The following CENPV variants were observed in gnomAD, a reference collection of about 807,000 sequenced individuals.
CENPV encodes the protein centromere protein V.
In CENPV, 15 loss-of-function variants were observed where a neutral mutation model predicts 26.4. That is an observed-to-expected ratio of 0.57 (90% CI 0.38 to 0.88). CENPV has a LOEUF of 0.88. Among genes scored for constraint, CENPV ranks in the 40% least tolerant of loss-of-function variants. The pLI is 0.00. For synonymous variants in CENPV, 172 were observed against 165.5 expected (o/e 1.04, Z -0.30); for missense variants, 336 against 376.5 (o/e 0.89, Z 0.89).
intron 4 of CENPV, among the ~76,000 whole-genome samples, chr17:16,343,276 A>T (rs2093190282): frequency 1.3e-5 from 2 of 152,238 alleles, no homozygotes; most frequent in Admixed American, 1.3e-4. Context: ...GCCCAGAGCA[A>T]TCTCTGACTG....
chr17:16,343,632 C>T (rs2093192215), intron 4 of CENPV, among the ~76,000 whole-genome samples: 2 of 152,290 alleles, frequency 1.3e-5, no homozygotes, highest in Admixed American at 1.3e-4. Flanking sequence ...CCCATTTGCA[C>T]AGGATTTCAT....
At position 16,353,452 on chromosome 17, in the gene CENPV, G is replaced by A. The variant is rs1264124702; in HGVS notation, c.-16C>T. On this transcript the variant is annotated 5_prime_UTR_variant, in exon 1 of 5. Coordinates refer to ENST00000299736, the MANE Select transcript of CENPV (RefSeq NM_181716.3). ...ATCGCCGCATGGCTCCCGCAGCCTG[G>A]CGCGCAGGCCTCGCAGCGCGGCGCG... 9.0e-7 allele frequency: 1 copy of A among 1,113,142 alleles called. No individual in the cohort carries two copies. Among genetic ancestry groups the A allele is most frequent in the Non-Finnish European group, 1.1e-6 (1 of 913,998 alleles). 69.0% of individuals were successfully genotyped at this position (1,113,142 alleles called of 1,614,324 possible).
rs2093197698 is a variant in CENPV at position 16,344,699 on chromosome 17, T to C, written c.592A>G (p.Ile198Val). 2 of 1,585,756 alleles carry C rather than the reference T, an allele frequency of 1.3e-6. No homozygotes were observed. The highest frequency in any genetic ancestry group is 1.2e-5 in the South Asian group (1 of 86,320). ...TGAGTATTGAACGTGTAAGTCGTTA[T>C]GTGCTCAGCTCCCTAGGTGAAAACA... ...RFKLLKGAEH[I>V]TTYTFNTHKA... The change falls in exon 4 of 5, where the codon ATA (isoleucine) becomes GTA (valine). Residue 198 changes from isoleucine (I) to valine (V), a missense_variant. Around this residue, in one of 2 missense-constraint regions of CENPV, gnomAD observed 155 missense variants for 227.8 expected, o/e 0.68. Coordinates refer to ENST00000299736, the MANE Select transcript of CENPV (RefSeq NM_181716.3).
At position 16,353,450 on chromosome 17, in the gene CENPV, T is replaced by TGGCGCGCAGGCCTCGCAGCGC. The variant is rs1368203225; in HGVS notation, c.-15_-14insGCGCTGCGAGGCCTGCGCGCC. 2 of 1,116,636 alleles carry TGGCGCGCAGGCCTCGCAGCGC rather than the reference T, an allele frequency of 1.8e-6. No individual in the cohort carries two copies. Among genetic ancestry groups the TGGCGCGCAGGCCTCGCAGCGC allele is most frequent in the Non-Finnish European group, 2.2e-6 (2 of 916,396 alleles). The allele number at this position is 1,116,636 out of a possible 1,614,324, so 69.2% of individuals were successfully genotyped here. A position where few individuals can be genotyped will look rare whatever the true frequency, so the allele number is the denominator to read the frequency against. The stretch of plus-strand genomic sequence containing the variant: ...CGATCGCCGCATGGCTCCCGCAGCC[T>TGGCGCGCAGGCCTCGCAGCGC]GGCGCGCAGGCCTCGCAGCGCGGCG... On this transcript the variant is annotated 5_prime_UTR_variant, in exon 1 of 5. Coordinates refer to ENST00000299736, the MANE Select transcript of CENPV (RefSeq NM_181716.3).
chr17:16,348,799 C>T, intron 2 of CENPV, 114 bp from the exon 3 acceptor site: 6 of 1,519,940 alleles, frequency 3.9e-6, no homozygotes, highest in Non-Finnish European at 4.4e-6. Context: ...CTTTCAGCAC[C>T]ATCCAGGGCC....
intron 3 of CENPV, among the ~76,000 whole-genome samples, chr17:16,346,467 T>C (rs1019324092): frequency 2.6e-5 from 4 of 152,160 alleles, no homozygotes; most frequent in Admixed American, 6.5e-5. Flanking sequence ...AAGCAAGGTA[T>C]AGGCCAGGCG....
chr17:16,344,694 C>A lies in CENPV; in HGVS notation c.597G>T (p.Thr199=). The stretch of plus-strand genomic sequence containing the variant: ...CTTTGTGAGTATTGAACGTGTAAGT[C>A]GTTATGTGCTCAGCTCCCTAGGTGA... ...FKLLKGAEHI[T]TYTFNTHKAQ... Residue 199 remains threonine, a synonymous_variant, in exon 4 of 5, where the codon ACG becomes ACT. Transcript: ENST00000299736. 6.3e-7 allele frequency: 1 copy of A among 1,590,564 alleles called. No homozygotes were observed. The highest frequency in any genetic ancestry group is 1.4e-5 in the African/African-American group (1 of 73,406).
chr17:16,350,723 G>T (rs11653585), intron 1 of CENPV: 7 of 151,818 alleles, frequency 4.6e-5, no homozygotes, highest in Admixed American at 4.6e-4. Context: ...TACCCTTACC[G>T]ACCTTAACAA....
At position 16,349,329 on chromosome 17, in the gene CENPV, G is replaced by A. The variant is rs532844050; in HGVS notation, c.509+602C>T. On this transcript the variant is annotated intron_variant, in intron 2 of 4. Transcript: ENST00000299736. ...GTGCTTATTATTCATATATAATTCC[G>A]GTACCTAGGGGCAAAAAGGACTGGA... 5 of 985,570 alleles carry A rather than the reference G, an allele frequency of 5.1e-6. No individual in the cohort carries two copies. In the African/African-American group the frequency reaches 8.7e-5, roughly 17 times the overall value. 61.1% of individuals were successfully genotyped at this position (985,570 alleles called of 1,614,324 possible).
Position 16,353,162 on chromosome 17 carries a change from G to T in CENPV, c.275C>A (p.Pro92Gln). ...ELALLPPPPP[P>Q]PPTPATPTSS... ...CGTCGGGGTCGCGGGAGTCGGCGGC[G>T]GCGGCGGCGGTGGCGGGAGCAACGC... Residue 92 changes from proline to glutamine, a missense_variant, in exon 1 of 5, where the codon CCG (proline) becomes CAG (glutamine). Pro to Gln is a moderately conservative substitution (Grantham distance 76). Around this residue, in one of 2 missense-constraint regions of CENPV, gnomAD observed 181 missense variants for 148.8 expected, o/e 1.22. Coordinates refer to ENST00000299736, the MANE Select transcript of CENPV (RefSeq NM_181716.3). 6.9e-7 allele frequency: 1 copy of T among 1,451,638 alleles called. No homozygotes were observed. Among genetic ancestry groups the T allele is most frequent in the East Asian group, 2.8e-5 (1 of 35,624 alleles). 89.9% of individuals were successfully genotyped at this position (1,451,638 alleles called of 1,614,324 possible).
intron 1 of CENPV, among the ~76,000 whole-genome samples, chr17:16,350,406 C>T (rs1363133080): frequency 1.3e-5 from 2 of 150,776 alleles, no homozygotes; most frequent in Non-Finnish European, 2.9e-5. Flanking sequence ...TACGGTGGCA[C>T]GATCTTGGCT....
chr17:16,348,408 T>C, intron 3 of CENPV: 31 of 1,240,938 alleles, frequency 2.5e-5, no homozygotes, highest in Non-Finnish European at 3.2e-5. Context: ...CCATCCATCT[T>C]GGCCTCCCAA....
At chr17:16,352,910 C>T in intron 1 of CENPV, 117 bp downstream of exon 1, 1 of 1,332,548 alleles carries the variant, frequency 7.5e-7, no homozygotes, top group Non-Finnish European at 9.6e-7. Context: ...GGCTCCGTAA[C>T]GTGGAAGGCT....
chr17:16,346,687 G>A (rs531813989), intron 3 of CENPV, among the ~76,000 whole-genome samples: 2 of 151,184 alleles, frequency 1.3e-5, no homozygotes, highest in Admixed American at 1.3e-4. Context: ...GGAGGCGGAG[G>A]TTACAGTGAG....
chr17:16,347,047 C>T (rs1179088437), intron 3 of CENPV, among the ~76,000 whole-genome samples: 1 of 151,914 alleles, frequency 6.6e-6, no homozygotes, highest in Non-Finnish European at 1.5e-5. Context: ...ATGGGGGTCT[C>T]GCTATGTTGT....
At chr17:16,344,233 C>G (rs1040961195) in intron 4 of CENPV, 9 of 162,058 alleles carry the variant, frequency 5.6e-5, no homozygotes, top group Admixed American at 3.9e-4. Flanking sequence ...TCCCTTAACC[C>G]CTGTCATTAT....
chr17:16,349,730 T>C lies in CENPV; in HGVS notation c.509+201A>G, dbSNP rs1232649815. On this transcript the variant is annotated intron_variant, in intron 2 of 4. Transcript: ENST00000299736. Reference sequence around the variant, plus strand: ...ACCCTGCTCTGTGTCACCTGGGCCATGCTGTTGAAGCTCTGTGATGAGCCA... The same window carrying C: ...ACCCTGCTCTGTGTCACCTGGGCCACGCTGTTGAAGCTCTGTGATGAGCCA... The C allele has an allele frequency of 6.6e-6, 9 of 1,357,986 alleles. No homozygotes were observed. The East Asian group carries it at 1.5e-4, about 22-fold the overall frequency. 84.1% of individuals were successfully genotyped at this position (1,357,986 alleles called of 1,614,324 possible). A position where few individuals can be genotyped will look rare whatever the true frequency, so the allele number is the denominator to read the frequency against.
chr17:16,350,344 ATT>A (rs755226283), intron 1 of CENPV, among the ~76,000 whole-genome samples: 15 of 143,142 alleles, frequency 1.0e-4, no homozygotes, highest in Admixed American at 2.1e-4. Context: ...CAAATACTAA[ATT>A]TTTTTTTTTT....
intron 1 of CENPV, among the ~76,000 whole-genome samples, 175 bp from the exon 2 acceptor site, chr17:16,350,204 C>T (rs1467728859): frequency 1.3e-5 from 2 of 152,194 alleles, no homozygotes; most frequent in Non-Finnish European, 1.5e-5. Flanking sequence ...ATGGTTTCAG[C>T]ACCTTCTTTG....
Sources: gnomAD v4.1 joint callset for allele counts (sites outside exome capture counted in the v4.1 genomes callset) on GRCh38, gnomAD v4.1.1 for gene constraint, gnomAD v4.1.1 regional missense constraint, MANE v1.5 for transcripts, NCBI Gene and HGNC (gene_info 2026-07-23, HGNC 2026-07-21) for gene names.